NFX1: variants seen among roughly 807,000 people sequenced by gnomAD.
NFX1 encodes nuclear transcription factor, X-box binding 1.
Under a neutral mutation model 137.2 loss-of-function variants are expected in NFX1, and 69 were observed. The ratio of observed to expected loss-of-function variants is 0.50; its 90% CI spans 0.41 to 0.61. NFX1 has a LOEUF of 0.61. NFX1 is among the 20% of genes least tolerant of loss of function. The probability of loss-of-function intolerance (pLI) is 0.00; values close to 1 mark genes in which losing one functional copy is unlikely to be tolerated. For synonymous variants in NFX1, 495 were observed against 474.1 expected, an observed-to-expected ratio of 1.04 and a Z score of -0.57; for missense variants, 1,167 against 1,391.0, an observed-to-expected ratio of 0.84 and a Z score of 2.56.
At chr9:33,336,211 G>GT (rs1368260548) in intron 11 of NFX1, among the ~76,000 whole-genome samples, 1 of 151,608 alleles carries the variant, frequency 6.6e-6, no homozygotes, top group African/African-American at 2.4e-5. Flanking sequence ...TATTTTCTGG[G>GT]TTTTTTTGGT....
intron 9 of NFX1, among the ~76,000 whole-genome samples, chr9:33,326,027 G>A (rs1822575023): frequency 6.6e-6 from 1 of 152,290 alleles, no homozygotes; most frequent in East Asian, 1.9e-4. Context: ...GGAGATAGAT[G>A]GGATCAAAGT....
At chr9:33,291,929 C>T (rs773468811) in intron 1 of NFX1, among the ~76,000 whole-genome samples, 13 of 152,130 alleles carry the variant, frequency 8.5e-5, no homozygotes, top group Non-Finnish European at 1.3e-4. Flanking sequence ...AAACACACTG[C>T]ATTGGTGTAC....
At chr9:33,291,993 C>A (rs1390078331) in intron 1 of NFX1, among the ~76,000 whole-genome samples, 2 of 152,134 alleles carry the variant, frequency 1.3e-5, no homozygotes, top group Non-Finnish European at 2.9e-5. Flanking sequence ...ACTTTTTGGG[C>A]TGGGTATTTT....
At chr9:33,300,497 G>A (rs1821518359) in intron 2 of NFX1, among the ~76,000 whole-genome samples, 1 of 152,128 alleles carries the variant, frequency 6.6e-6, no homozygotes, top group Admixed American at 6.5e-5. Context: ...TAAATGCAGT[G>A]CTAAAAGTAT....
chr9:33,364,161 C>CT, intron 20 of NFX1, 53 bp downstream of exon 20: 1 of 1,296,102 alleles, frequency 7.7e-7, no homozygotes, highest in Non-Finnish European at 1.1e-6. Flanking sequence ...GGTGTTTGGT[C>CT]TTTTGAGATG....
At chr9:33,299,197 A>G (rs564035411) in intron 2 of NFX1, among the ~76,000 whole-genome samples, 70 of 152,320 alleles carry the variant, frequency 4.6e-4, no homozygotes, top group Admixed American at 2.2e-3. Context: ...TGGTATAATC[A>G]TATTAACTAA....
At chr9:33,356,680 A>G (rs1823820028) in intron 19 of NFX1, among the ~76,000 whole-genome samples, 1 of 152,002 alleles carries the variant, frequency 6.6e-6, no homozygotes, top group Non-Finnish European at 1.5e-5. Context: ...TTGAGTATGG[A>G]TAAGGAGAGT....
chr9:33,342,514 T>C (rs1823265124), intron 12 of NFX1, among the ~76,000 whole-genome samples: 1 of 152,214 alleles, frequency 6.6e-6, no homozygotes, highest in Non-Finnish European at 1.5e-5. Context: ...AGACTACTAG[T>C]ATAGAGAGTC....
chr9:33,308,621 G>C (rs1821847269), intron 5 of NFX1, among the ~76,000 whole-genome samples: 1 of 152,170 alleles, frequency 6.6e-6, no homozygotes, highest in Non-Finnish European at 1.5e-5. Context: ...CCTTGGACAA[G>C]TTATTAATTT....
intron 11 of NFX1, among the ~76,000 whole-genome samples, chr9:33,334,600 C>T (rs554255097): frequency 6.6e-6 from 1 of 152,160 alleles, no homozygotes. Flanking sequence ...GATCTTTTTC[C>T]CTATTCATAC....
intron 1 of NFX1, among the ~76,000 whole-genome samples, chr9:33,292,851 A>G (rs1477500055): frequency 1.3e-5 from 2 of 150,494 alleles, no homozygotes; most frequent in African/African-American, 4.9e-5. Context: ...CGCTTTTTCA[A>G]GCAAGCGAGA....
At position 33,347,039 on chromosome 9, in the gene NFX1, A is replaced by G. The variant is rs1823447451; in HGVS notation, c.2346A>G (p.Val782=). The change falls in exon 15 of 24, where the codon GTA becomes GTG. Residue 782 remains valine (V), a splice_region_variant and synonymous_variant. Coordinates refer to ENST00000379540, the MANE Select transcript of NFX1 (RefSeq NM_002504.6). ...CARVHECDHP[V]YHSCHSEEKC... is the part of the protein sequence containing the mutation. The stretch of plus-strand genomic sequence containing the variant: ...AAAGTTACCTTTCTCTTTCTGCAGT[A>G]TATCATTCTTGTCATAGTGAGGAGA... 6.2e-7 allele frequency: 1 copy of G among 1,611,786 alleles called. No individual in the cohort carries two copies. The highest frequency in any genetic ancestry group is 2.2e-5 in the East Asian group (1 of 44,822).
intron 10 of NFX1, among the ~76,000 whole-genome samples, chr9:33,331,629 A>G (rs1165095235): frequency 6.7e-6 from 1 of 149,484 alleles, no homozygotes; most frequent in Non-Finnish European, 1.5e-5. Context: ...TGAAATGTAT[A>G]TTTTCCAGCC....
At chr9:33,307,737 C>A (rs1393785128) in intron 5 of NFX1, among the ~76,000 whole-genome samples, 1 of 151,794 alleles carries the variant, frequency 6.6e-6, no homozygotes, top group Non-Finnish European at 1.5e-5. Context: ...TGTTTAGGGT[C>A]CCGGTCGGAC....
At chr9:33,306,862 T>G (rs139565082) in intron 4 of NFX1, among the ~76,000 whole-genome samples, 1 of 152,272 alleles carries the variant, frequency 6.6e-6, no homozygotes, top group East Asian at 1.9e-4. Context: ...CGCATATCAG[T>G]TCAGAAGTCC....
At chr9:33,353,483 G>A (rs1281054237) in intron 17 of NFX1, among the ~76,000 whole-genome samples, 2 of 152,060 alleles carry the variant, frequency 1.3e-5, no homozygotes, top group Non-Finnish European at 2.9e-5. Flanking sequence ...GACTTTAAGA[G>A]GATGCACACA....
At chr9:33,340,390 C>T (rs1223855872) in intron 12 of NFX1, among the ~76,000 whole-genome samples, 1 of 152,254 alleles carries the variant, frequency 6.6e-6, no homozygotes, top group African/African-American at 2.4e-5. Flanking sequence ...GGATGCAGGG[C>T]ACCAAGTCCC....
At chr9:33,313,521 A>G (rs1156680256) in intron 6 of NFX1, 133 bp from the exon 7 acceptor site, 1 of 761,152 alleles carries the variant, frequency 1.3e-6, no homozygotes, top group Non-Finnish European at 2.1e-6. Flanking sequence ...GAGACATAGG[A>G]AAAAGTGAGG....
At chr9:33,303,929 G>A (rs191395806) in intron 4 of NFX1, among the ~76,000 whole-genome samples, 1 of 152,176 alleles carries the variant, frequency 6.6e-6, no homozygotes, top group East Asian at 1.9e-4. Context: ...CTGAAGCATT[G>A]CATTTTTGCT....
Sources: gnomAD v4.1 joint callset for allele counts (sites outside exome capture counted in the v4.1 genomes callset) on GRCh38, gnomAD v4.1.1 for gene constraint, MANE v1.5 for transcripts, NCBI Gene and HGNC (gene_info 2026-07-23, HGNC 2026-07-21) for gene names.